The following ANKRD30BL variants were observed in gnomAD, a reference collection of about 807,000 sequenced individuals.
ANKRD30BL encodes the protein ankyrin repeat domain 30B like.
In ANKRD30BL, 20 loss-of-function variants were observed where a neutral mutation model predicts 18.4. The ratio of observed to expected loss-of-function variants is 1.09; its 90% confidence interval spans 0.77 to 1.58. ANKRD30BL has a LOEUF of 1.58. ANKRD30BL is among the 40% of genes most tolerant of loss of function. The pLI is 0.00. For synonymous variants in ANKRD30BL, 72 were observed against 100.9 expected (o/e 0.71, Z 1.72); for missense variants, 224 against 268.6 (o/e 0.83, Z 1.16).
At chr2:132,217,929 G>C (rs377534155) in intron 1 of ANKRD30BL, among the ~76,000 whole-genome samples, 1 of 146,166 alleles carries the variant, frequency 6.8e-6, no homozygotes, top group African/African-American at 2.5e-5. Flanking sequence ...TGAGGTCTTC[G>C]TTGGAAACGG....
chr2:132,193,702 A>C (rs891819930), intron 1 of ANKRD30BL, among the ~76,000 whole-genome samples: 2 of 152,124 alleles, frequency 1.3e-5, no homozygotes, highest in Non-Finnish European at 2.9e-5. Context: ...TCTTTTATAC[A>C]TATTCTATCA....
At chr2:132,216,098 T>C (rs1252279100) in intron 1 of ANKRD30BL, among the ~76,000 whole-genome samples, 2 of 152,000 alleles carry the variant, frequency 1.3e-5, no homozygotes, top group Non-Finnish European at 2.9e-5. Flanking sequence ...TTTCTTTTGA[T>C]TGAGCAGTTT....
chr2:132,196,015 A>G (rs555096995), intron 1 of ANKRD30BL, among the ~76,000 whole-genome samples: 25 of 151,258 alleles, frequency 1.7e-4, no homozygotes, highest in Middle Eastern at 6.8e-3. Flanking sequence ...GGTGGTGGGC[A>G]CCTGTAGTCC....
At chr2:132,187,176 TTTTTTTTGTTTG>T (rs1688577119) in intron 1 of ANKRD30BL, among the ~76,000 whole-genome samples, 1 of 144,472 alleles carries the variant, frequency 6.9e-6, no homozygotes, top group Non-Finnish European at 1.5e-5. Context: ...TTTTTTGTTT[TTTTTTTTGTTTG>T]TTTTTTTTTT....
intron 1 of ANKRD30BL, among the ~76,000 whole-genome samples, chr2:132,232,762 C>A (rs138985144): frequency 1.3e-5 from 2 of 152,114 alleles, no homozygotes; most frequent in Admixed American, 6.6e-5. Flanking sequence ...AAACACTCTG[C>A]AGGATATTAC....
At chr2:132,232,721 A>G (rs1680057455) in intron 1 of ANKRD30BL, among the ~76,000 whole-genome samples, 1 of 152,202 alleles carries the variant, frequency 6.6e-6, no homozygotes. Flanking sequence ...GGTGTACCTG[A>G]AAGTGATGGG....
At chr2:132,214,831 G>C (rs112394742) in intron 1 of ANKRD30BL, among the ~76,000 whole-genome samples, 2 of 151,592 alleles carry the variant, frequency 1.3e-5, no homozygotes, top group African/African-American at 4.8e-5. Context: ...ATGGTGAAAA[G>C]GAAATATCTT....
At chr2:132,203,987 G>T (rs920604766) in intron 1 of ANKRD30BL, among the ~76,000 whole-genome samples, 1 of 152,016 alleles carries the variant, frequency 6.6e-6, no homozygotes, top group East Asian at 1.9e-4. Context: ...TTATAATTAT[G>T]TATTCATTGT....
chr2:132,158,901 T>C (rs562265831), intron 1 of ANKRD30BL, among the ~76,000 whole-genome samples: 2 of 152,004 alleles, frequency 1.3e-5, no homozygotes, highest in Non-Finnish European at 2.9e-5. Flanking sequence ...AATATACTAA[T>C]CCACAAAAAG....
At chr2:132,173,838 C>G (rs188759344) in intron 1 of ANKRD30BL, among the ~76,000 whole-genome samples, 165 of 152,134 alleles carry the variant, frequency 1.1e-3, no homozygotes, top group African/African-American at 3.9e-3. Context: ...TGTAAATATC[C>G]ACAGTGTATT....
chr2:132,174,902 T>C (rs564947258), intron 1 of ANKRD30BL, among the ~76,000 whole-genome samples: 20 of 152,344 alleles, frequency 1.3e-4, no homozygotes, highest in African/African-American at 4.6e-4. Context: ...TTAGTAAACA[T>C]GTAACTCTCT....
chr2:132,247,226 C>T (rs562295040), intron 1 of ANKRD30BL, among the ~76,000 whole-genome samples: 1,704 of 149,830 alleles, frequency 0.011, 30 homozygotes, highest in African/African-American at 0.039. Context: ...GTTGAACATT[C>T]CCTTTCATGG....
intron 1 of ANKRD30BL, among the ~76,000 whole-genome samples, chr2:132,229,845 A>G (rs1444152749): frequency 2.6e-5 from 4 of 152,100 alleles, no homozygotes; most frequent in Non-Finnish European, 5.9e-5. Flanking sequence ...TGATTTGTGC[A>G]TTCAACTCAC....
intron 1 of ANKRD30BL, among the ~76,000 whole-genome samples, chr2:132,173,279 T>C (rs997183286): frequency 6.6e-6 from 1 of 151,064 alleles, no homozygotes; most frequent in African/African-American, 2.4e-5. Context: ...GTACTATTTG[T>C]TGTTATTAAT....
chr2:132,154,756 G>A lies in ANKRD30BL; in HGVS notation c.520C>T (p.Pro174Ser), dbSNP rs774355627. The change falls in exon 4 of 6, where the codon CCA becomes TCA. Residue 174 changes from proline (P) to serine (S), a missense_variant. Around this residue, in one of 3 missense-constraint regions of ANKRD30BL, gnomAD observed 63 missense variants for 62.3 expected, o/e 1.01. Coordinates refer to ENST00000409867, the MANE Select transcript of ANKRD30BL (RefSeq NM_001358416.1). ...CTTTTCCTTATGGCCAGTAAAAGTG[G>A]TGTGTGGCCAGCCTGTAAAACAGCA... ...IEVKNKAGHTPLLLAIRKRSE... is the reference protein window; with the variant it reads ...IEVKNKAGHTSLLLAIRKRSE... 30 of 710,986 alleles carry A rather than the reference G, an allele frequency of 4.2e-5. No homozygotes were observed. Among genetic ancestry groups the A allele is most frequent in the Non-Finnish European group, 2.6e-6 (1 of 384,132 alleles). The allele number at this position is 710,986 out of a possible 1,614,324, so 44.0% of individuals were successfully genotyped here. A position where few individuals can be genotyped will look rare whatever the true frequency, so the allele number is the denominator to read the frequency against.
rs940281028 is a variant in ANKRD30BL at position 132,161,697 on chromosome 2, C to A, written c.9G>T (p.Arg3Ser). 2.8e-6 allele frequency: 4 copies of A among 1,436,356 alleles called. No homozygotes were observed. In the African/African-American group the frequency reaches 5.7e-5, roughly 20 times the overall value. 89.0% of individuals were successfully genotyped at this position (1,436,356 alleles called of 1,614,324 possible). A position where few individuals can be genotyped will look rare whatever the true frequency, so the allele number is the denominator to read the frequency against. Residue 3 changes from arginine to serine, a missense_variant, in exon 1 of 6, where the codon AGG (arginine) becomes AGT (serine). Coordinates refer to ENST00000409867, the MANE Select transcript of ANKRD30BL (RefSeq NM_001358416.1). ...GGCCCTTGACAGGGGCGGCAGAGAG[C>A]CTCTCCATGGCTGCAGCCACCTGCT... is the stretch of plus-strand genomic sequence containing the variant. ME[R>S]LSAAPVKGQT...
chr2:132,255,942 G>A (rs997634762), intron 1 of ANKRD30BL, among the ~76,000 whole-genome samples: 3 of 152,178 alleles, frequency 2.0e-5, no homozygotes, highest in African/African-American at 4.8e-5. Flanking sequence ...GGCCGGGGAC[G>A]GAGAGGGGCT....
intron 1 of ANKRD30BL, among the ~76,000 whole-genome samples, chr2:132,232,676 G>A (rs1394954963): frequency 6.6e-6 from 1 of 152,072 alleles, no homozygotes; most frequent in Non-Finnish European, 1.5e-5. Context: ...CAAGAAATAT[G>A]GGACTATGTG....
intron 1 of ANKRD30BL, among the ~76,000 whole-genome samples, chr2:132,215,338 G>A (rs1302698977): frequency 6.6e-6 from 1 of 152,126 alleles, no homozygotes; most frequent in Non-Finnish European, 1.5e-5. Context: ...GGCCTGAGGT[G>A]GAAAAGGATA....
Sources: allele counts gnomAD v4.1 joint callset (sites outside exome capture counted in the v4.1 genomes callset), GRCh38; gene constraint gnomAD v4.1.1; regional missense constraint gnomAD v4.1.1; transcripts MANE v1.5; gene names NCBI Gene and HGNC (gene_info 2026-07-23, HGNC 2026-07-21).